Variants in CEP162 observed in about 807,000 individuals in gnomAD.
CEP162 encodes the protein centrosomal protein of 162 kDa.
Under a neutral mutation model 169.2 loss-of-function variants are expected in CEP162, and 141 were observed. The observed-to-expected ratio is 0.83, with a 90% CI of 0.73 to 0.96. The LOEUF is 0.96. CEP162 is among the 40% of genes least tolerant of loss of function. The probability of loss-of-function intolerance (pLI) is 0.00; values close to 1 mark genes in which losing one functional copy is unlikely to be tolerated. For synonymous variants in CEP162, 540 were observed against 526.4 expected, an observed-to-expected ratio of 1.03 and a Z score of -0.35; for missense variants, 1,600 against 1,587.2, an observed-to-expected ratio of 1.01 and a Z score of -0.14.
chr6:84,193,957 C>A (rs1000202527), intron 10 of CEP162, among the ~76,000 whole-genome samples: 1 of 152,014 alleles, frequency 6.6e-6, no homozygotes, highest in Non-Finnish European at 1.5e-5. Flanking sequence ...TTTGGTTGAT[C>A]CTGAAATACT....
chr6:84,139,268 A>C (rs1331216073), intron 25 of CEP162, among the ~76,000 whole-genome samples: 1 of 152,156 alleles, frequency 6.6e-6, no homozygotes, highest in African/African-American at 2.4e-5. Flanking sequence ...ACATTCCCAC[A>C]GTTTCCCACC....
chr6:84,128,747 G>GTC (rs963703259), intron 25 of CEP162, among the ~76,000 whole-genome samples: 2 of 151,852 alleles, frequency 1.3e-5, no homozygotes, highest in African/African-American at 4.8e-5. Flanking sequence ...GAACGTGCAG[G>GTC]TTTGTTACAT....
rs189930382 is a variant in CEP162 at position 84,176,356 on chromosome 6, G to A, written c.1664-1009C>T. On this transcript the variant is annotated intron_variant, in intron 13 of 26. Transcript: ENST00000403245. ...GTGAAGGTTTTCCTTATAGAGTTAT[G>A]ATCATATTTAATTAGACCGATGTAA... Among the ~76,000 whole-genome samples the A allele has an allele frequency of 2.1e-3, 321 of 152,244 alleles. 2 individuals are homozygous for A. Among genetic ancestry groups the A allele is most frequent in the African/African-American group, 7.4e-3 (309 of 41,550 alleles).
intron 15 of CEP162, among the ~76,000 whole-genome samples, chr6:84,174,405 C>CT (rs1437017141): frequency 6.6e-6 from 1 of 152,198 alleles, no homozygotes; most frequent in African/African-American, 2.4e-5. Flanking sequence ...ATGTCATCCT[C>CT]TGGGTCTATA....
chr6:84,149,779 T>A, intron 23 of CEP162, 76 bp from the exon 24 acceptor site: 1 of 1,266,860 alleles, frequency 7.9e-7, no homozygotes, highest in Non-Finnish European at 1.0e-6. Context: ...ACAAAAACAG[T>A]AGAAGAAACC....
chr6:84,179,643 T>C (rs1562049066), intron 13 of CEP162, among the ~76,000 whole-genome samples: 1 of 152,178 alleles, frequency 6.6e-6, no homozygotes, highest in Non-Finnish European at 1.5e-5. Flanking sequence ...GTAGTTTCTT[T>C]TGCTGTGCAG....
chr6:84,134,360 T>C (rs1166628480), intron 25 of CEP162, among the ~76,000 whole-genome samples: 1 of 151,908 alleles, frequency 6.6e-6, no homozygotes, highest in Non-Finnish European at 1.5e-5. Flanking sequence ...TTTCCAGGGG[T>C]GTCTTGCTGG....
intron 21 of CEP162, among the ~76,000 whole-genome samples, chr6:84,159,283 C>T (rs566851752): frequency 6.6e-6 from 1 of 150,540 alleles, no homozygotes; most frequent in African/African-American, 2.4e-5. Context: ...AGTATTAATA[C>T]AAAAGGGAGG....
intron 25 of CEP162, among the ~76,000 whole-genome samples, chr6:84,138,437 G>C (rs1219814520): frequency 2.0e-5 from 3 of 152,156 alleles, no homozygotes; most frequent in Admixed American, 6.5e-5. Flanking sequence ...ACCACCCTGA[G>C]AGGAAATGCC....
chr6:84,143,266 T>G (rs1408889451), intron 25 of CEP162, among the ~76,000 whole-genome samples: 8 of 152,068 alleles, frequency 5.3e-5, no homozygotes, highest in Non-Finnish European at 1.5e-5. Context: ...ATTGTCACAT[T>G]AAGAAAACTA....
chr6:84,197,192 G>A (rs563225456), intron 9 of CEP162, among the ~76,000 whole-genome samples: 2 of 150,968 alleles, frequency 1.3e-5, no homozygotes, highest in South Asian at 4.2e-4. Context: ...AGGCTTTTAA[G>A]CAATAACAGA....
chr6:84,125,812 A>C (rs62449275), intron 26 of CEP162, among the ~76,000 whole-genome samples: 6,458 of 152,186 alleles, frequency 0.042, 198 homozygotes, highest in Admixed American at 0.086. Context: ...TGAGAAGATA[A>C]ATTTTTCCTG....
At chr6:84,167,491 G>A (rs772448354) in intron 18 of CEP162, among the ~76,000 whole-genome samples, 1 of 152,148 alleles carries the variant, frequency 6.6e-6, no homozygotes, top group African/African-American at 2.4e-5. Context: ...AGCACCTCAT[G>A]CCTGCTGATG....
At chr6:84,200,447 A>G (rs1406875485) in intron 9 of CEP162, among the ~76,000 whole-genome samples, 3 of 152,156 alleles carry the variant, frequency 2.0e-5, no homozygotes, top group African/African-American at 7.2e-5. Context: ...GCACAATAAG[A>G]CCAAAGTCCC....
chr6:84,201,322 C>G (rs1443944840), intron 8 of CEP162, among the ~76,000 whole-genome samples: 1 of 151,362 alleles, frequency 6.6e-6, no homozygotes, highest in South Asian at 2.1e-4. Context: ...AAATGCAATG[C>G]ATATTAAAAC....
At chr6:84,211,390 TGGTGGTG>T (rs900982612) in intron 6 of CEP162, among the ~76,000 whole-genome samples, 1 of 150,474 alleles carries the variant, frequency 6.6e-6, no homozygotes, top group African/African-American at 2.4e-5. Context: ...TAGCCAGGTG[TGGTGGTG>T]GGTGCCTGTA....
intron 11 of CEP162, among the ~76,000 whole-genome samples, chr6:84,187,953 G>T (rs982172223): frequency 6.6e-6 from 1 of 152,106 alleles, no homozygotes; most frequent in Non-Finnish European, 1.5e-5. Context: ...CTGGAAATGG[G>T]TTCTCTCTCT....
chr6:84,197,204 C>A (rs2099542517), intron 9 of CEP162, among the ~76,000 whole-genome samples: 1 of 148,266 alleles, frequency 6.7e-6, no homozygotes, highest in East Asian at 2.0e-4. Context: ...AATAACAGAG[C>A]AAACATGCAG....
chr6:84,162,353 T>C (rs1481678751), intron 19 of CEP162, among the ~76,000 whole-genome samples: 1 of 152,210 alleles, frequency 6.6e-6, no homozygotes, highest in Non-Finnish European at 1.5e-5. Flanking sequence ...TTACAGTGGA[T>C]ACTACTATTA....
Sources: allele counts gnomAD v4.1 joint callset (sites outside exome capture counted in the v4.1 genomes callset), GRCh38; gene constraint gnomAD v4.1.1; transcripts MANE v1.5; gene names NCBI Gene and HGNC (gene_info 2026-07-23, HGNC 2026-07-21).